C2orf80: variants seen among roughly 807,000 people sequenced by gnomAD.
C2orf80 encodes uncharacterized protein C2orf80.
In C2orf80, 28 loss-of-function variants were observed where a neutral mutation model predicts 30.2. That is an observed-to-expected ratio of 0.93 (90% CI 0.69 to 1.27). The LOEUF (loss-of-function observed/expected upper bound fraction) is 1.27. C2orf80 is among the 50% of genes most tolerant of loss of function. C2orf80 has a pLI of 0.00. For synonymous variants in C2orf80, 80 were observed against 76.4 expected, an observed-to-expected ratio of 1.05 and a Z score of -0.24; for missense variants, 220 against 231.0, an observed-to-expected ratio of 0.95 and a Z score of 0.31.
In C2orf80 at chr2:208,165,547, A is replaced by G. The variant is rs1695857211; in HGVS notation, c.*260T>C. ...CAGCTTGCTCTAACACAGAAATACT[A>G]TATACTTTCTGAATTCTCCAGCAGT... On this transcript the variant is annotated 3_prime_UTR_variant, in exon 9 of 9. Transcript: ENST00000341287. 4.9e-6 allele frequency: 2 copies of G among 410,188 alleles called. No individual in the cohort carries two copies. The highest frequency in any genetic ancestry group is 8.7e-6 in the Non-Finnish European group (2 of 229,134). The allele number at this position is 410,188 out of a possible 1,614,324, so 25.4% of individuals were successfully genotyped here. A position where few individuals can be genotyped will look rare whatever the true frequency, so the allele number is the denominator to read the frequency against.
At chr2:208,177,460 G>T (rs1295132602) in intron 6 of C2orf80, among the ~76,000 whole-genome samples, 5 of 152,046 alleles carry the variant, frequency 3.3e-5, no homozygotes, top group African/African-American at 7.2e-5. Context: ...AGAATCACTT[G>T]AACCCGGGAG....
chr2:208,170,850 C>A, intron 8 of C2orf80, 95 bp downstream of exon 8: 1 of 955,530 alleles, frequency 1.0e-6, no homozygotes, highest in Non-Finnish European at 1.7e-6. Context: ...CCCAGAGCAC[C>A]TGACTCCAAA....
intron 2 of C2orf80, among the ~76,000 whole-genome samples, chr2:208,185,242 A>G (rs562505276): frequency 6.6e-6 from 1 of 152,304 alleles, no homozygotes; most frequent in East Asian, 1.9e-4. Context: ...TAACTGAAAT[A>G]ACATTTATCT....
At chr2:208,174,572 G>A (rs1416206768) in intron 6 of C2orf80, among the ~76,000 whole-genome samples, 1 of 152,220 alleles carries the variant, frequency 6.6e-6, no homozygotes, top group East Asian at 1.9e-4. Context: ...TCCTCAGAGT[G>A]ATCAGGTGTG....
At chr2:208,189,564 G>C (rs1207917145) in intron 1 of C2orf80, among the ~76,000 whole-genome samples, 3 of 152,198 alleles carry the variant, frequency 2.0e-5, no homozygotes, top group Non-Finnish European at 4.4e-5. Context: ...GGAAGTCAGT[G>C]ATTTATATGC....
intron 5 of C2orf80, 132 bp from the exon 6 acceptor site, chr2:208,180,948 A>G: frequency 1.4e-6 from 1 of 735,820 alleles, no homozygotes; most frequent in Non-Finnish European, 2.2e-6. Flanking sequence ...TACAGTAAAT[A>G]ACTTCTGATC....
chr2:208,178,857 A>G (rs908982308), intron 6 of C2orf80, among the ~76,000 whole-genome samples: 3 of 152,058 alleles, frequency 2.0e-5, no homozygotes, highest in Non-Finnish European at 2.9e-5. Context: ...TTCCGGGTTC[A>G]AGAGATTATC....
At chr2:208,180,654 T>C (rs1696526966) in intron 6 of C2orf80, 91 bp downstream of exon 6, 6 of 985,806 alleles carry the variant, frequency 6.1e-6, no homozygotes, top group South Asian at 1.6e-5. Flanking sequence ...TATTTCATAA[T>C]TGATGTCTGA....
intron 4 of C2orf80, among the ~76,000 whole-genome samples, chr2:208,182,266 A>G (rs770952884): frequency 2.0e-5 from 3 of 152,324 alleles, no homozygotes; most frequent in Non-Finnish European, 4.4e-5. Flanking sequence ...CGCTTCAAAC[A>G]GCTCAGCTCA....
At chr2:208,187,403 G>A (rs996248896) in intron 1 of C2orf80, among the ~76,000 whole-genome samples, 1 of 152,166 alleles carries the variant, frequency 6.6e-6, no homozygotes, top group African/African-American at 2.4e-5. Flanking sequence ...AGATCTGAAT[G>A]TGTTTGGGTT....
At chr2:208,178,792 T>C (rs1351574718) in intron 6 of C2orf80, among the ~76,000 whole-genome samples, 1 of 151,976 alleles carries the variant, frequency 6.6e-6, no homozygotes, top group Non-Finnish European at 1.5e-5. Context: ...GTTTCTGCTC[T>C]TGTTGTCCAG....
chr2:208,181,192 T>C, intron 5 of C2orf80, 26 bp downstream of exon 5: 3 of 1,405,692 alleles, frequency 2.1e-6, no homozygotes, highest in Non-Finnish European at 3.0e-6. Context: ...AATATTCATA[T>C]AGGCAGATAG....
intron 6 of C2orf80, among the ~76,000 whole-genome samples, chr2:208,173,179 A>C (rs1009669619): frequency 2.7e-5 from 4 of 150,752 alleles, no homozygotes; most frequent in Non-Finnish European, 4.4e-5. Flanking sequence ...AGATGACAAC[A>C]TTGTGGTATA....
chr2:208,181,575 T>C (rs1696562590), intron 4 of C2orf80, among the ~76,000 whole-genome samples: 1 of 152,158 alleles, frequency 6.6e-6, no homozygotes, highest in Admixed American at 6.5e-5. Context: ...TGGATGTTGA[T>C]GGTTTTGCAA....
intron 1 of C2orf80, among the ~76,000 whole-genome samples, chr2:208,188,716 T>C (rs1161858159): frequency 6.6e-6 from 1 of 152,218 alleles, no homozygotes; most frequent in Non-Finnish European, 1.5e-5. Context: ...CCCAAAGTGC[T>C]GGGATTACAG....
intron 3 of C2orf80, among the ~76,000 whole-genome samples, chr2:208,183,791 C>G (rs544747455): frequency 6.6e-6 from 1 of 152,152 alleles, no homozygotes; most frequent in Admixed American, 6.5e-5. Flanking sequence ...TTCACACGCA[C>G]GTATAGTAAA....
intron 6 of C2orf80, among the ~76,000 whole-genome samples, chr2:208,180,239 C>CAG (rs1229383968): frequency 1.3e-5 from 2 of 152,002 alleles, no homozygotes; most frequent in African/African-American, 4.8e-5. Context: ...CACTTGAGGC[C>CAG]AAGAGTTTGA....
rs556171915 is a variant in C2orf80 at position 208,171,616 on chromosome 2, C to T, written c.454+372G>A. Among the ~76,000 whole-genome samples, 20 of 152,154 alleles carry T rather than the reference C, an allele frequency of 1.3e-4. 1 individual carries two copies. The highest frequency in any genetic ancestry group is 3.3e-4 in the Admixed American group (5 of 15,276). On this transcript the variant is annotated intron_variant, in intron 7 of 8. Transcript: ENST00000341287. ...GATTACAGGCATGAGCCACTGTGCC[C>T]GGCTTATTTTTGTAGGGATGAAGTT...
At chr2:208,172,237 G>A (rs560227792) in intron 6 of C2orf80, among the ~76,000 whole-genome samples, 162 bp from the exon 7 acceptor site, 1 of 152,168 alleles carries the variant, frequency 6.6e-6, no homozygotes, top group African/African-American at 2.4e-5. Flanking sequence ...GATGGGGCAC[G>A]TGAAGTATAT....
Sources: allele counts gnomAD v4.1 joint callset (sites outside exome capture counted in the v4.1 genomes callset), GRCh38; gene constraint gnomAD v4.1.1; transcripts MANE v1.5; gene names NCBI Gene and HGNC (gene_info 2026-07-23, HGNC 2026-07-21).